TNKS: variants seen among roughly 807,000 people sequenced by gnomAD.
TNKS encodes tankyrase.
Under a neutral mutation model 135.8 loss-of-function variants are expected in TNKS, and 72 were observed. That is an observed-to-expected ratio of 0.53 (90% confidence interval 0.44 to 0.64). TNKS has a LOEUF of 0.64. TNKS is among the 30% of genes least tolerant of loss of function. The probability of loss-of-function intolerance (pLI) is 0.00; values close to 1 mark genes in which losing one functional copy is unlikely to be tolerated. For synonymous variants in TNKS, 849 were observed against 649.3 expected (o/e 1.31, Z -4.68); for missense variants, 1,769 against 1,674.0 (o/e 1.06, Z -0.99).
chr8:9,597,140 A>G (rs960329162), intron 2 of TNKS, among the ~76,000 whole-genome samples: 2 of 152,238 alleles, frequency 1.3e-5, no homozygotes, highest in Non-Finnish European at 2.9e-5. Context: ...TATGAATTGC[A>G]ATGTATCACA....
chr8:9,679,255 A>T (rs1802671312), intron 3 of TNKS, among the ~76,000 whole-genome samples: 1 of 152,168 alleles, frequency 6.6e-6, no homozygotes, highest in Admixed American at 6.5e-5. Context: ...TTGGTATTGA[A>T]TTTATATGAA....
chr8:9,611,585 A>G (rs1799465335), intron 2 of TNKS, among the ~76,000 whole-genome samples: 1 of 152,192 alleles, frequency 6.6e-6, no homozygotes, highest in Non-Finnish European at 1.5e-5. Flanking sequence ...CAGAATGTTG[A>G]AAACAAATTT....
Position 9,706,180 on chromosome 8 carries a change from C to T in TNKS, c.1203-7C>T. 1 of 1,559,018 alleles carries T rather than the reference C, an allele frequency of 6.4e-7. No homozygotes were observed. Reference sequence around the variant, plus strand: ...TTAAGTATTTTAATTTGCCTCTTTTCATTTAGTGGACTTGTGCCTCTTCAT... The same window carrying T: ...TTAAGTATTTTAATTTGCCTCTTTTTATTTAGTGGACTTGTGCCTCTTCAT... On this transcript the variant is annotated splice_polypyrimidine_tract_variant and splice_region_variant and intron_variant, in intron 6 of 26. Coordinates refer to ENST00000310430, the MANE Select transcript of TNKS (RefSeq NM_003747.3).
chr8:9,633,807 C>G (rs1585256752), intron 3 of TNKS, among the ~76,000 whole-genome samples: 1 of 152,074 alleles, frequency 6.6e-6, no homozygotes, highest in African/African-American at 2.4e-5. Context: ...TGAGGCTTGT[C>G]AATAACCACA....
intron 12 of TNKS, among the ~76,000 whole-genome samples, chr8:9,722,814 G>T (rs1445749404): frequency 6.6e-6 from 1 of 152,084 alleles, no homozygotes; most frequent in Non-Finnish European, 1.5e-5. Context: ...CTCAAATTAT[G>T]TGCATAGCTT....
At chr8:9,574,895 C>T (rs1016106832) in intron 1 of TNKS, 44 of 301,842 alleles carry the variant, frequency 1.5e-4, no homozygotes, top group Non-Finnish European at 2.1e-4. Context: ...ACTCACTCTC[C>T]CTTCTTGTCT....
At position 9,627,356 on chromosome 8, in the gene TNKS, A is replaced by G. The variant is rs73524874; in HGVS notation, c.994+11679A>G. ...ATAAATTAAACCCAAAGAGGAGGTC[A>G]TGGGAACCCCAATTTATAGCTGGTC... On this transcript the variant is annotated intron_variant, in intron 3 of 26. Transcript: ENST00000310430. Among the ~76,000 whole-genome samples, 921 of 152,352 alleles carry G rather than the reference A, an allele frequency of 6.0e-3. 11 individuals are homozygous for G. The highest frequency in any genetic ancestry group is 0.021 in the African/African-American group (855 of 41,584).
At chr8:9,696,405 A>G (rs12056794) in intron 5 of TNKS, among the ~76,000 whole-genome samples, 13,495 of 152,192 alleles carry the variant, frequency 0.089, 651 homozygotes, top group South Asian at 0.18. Context: ...GGACTGATAA[A>G]TGACCACTAA....
Position 9,684,404 on chromosome 8 carries a change from A to T in TNKS, c.1107+3604A>T, listed in dbSNP as rs75140230. 2.3e-3 allele frequency among the ~76,000 whole-genome samples: 348 copies of T among 152,118 alleles called. 8 individuals are homozygous for T. In the East Asian group the frequency reaches 0.057, roughly 25 times the overall value. ...TATAATAAATGAAAATAAATATTTG[A>T]ATAAAATTAGTCCAACAGTCAACTC... On this transcript the variant is annotated intron_variant, in intron 5 of 26. Coordinates refer to ENST00000310430, the MANE Select transcript of TNKS (RefSeq NM_003747.3).
chr8:9,655,047 C>G (rs1463540894), intron 3 of TNKS, among the ~76,000 whole-genome samples: 1 of 152,188 alleles, frequency 6.6e-6, no homozygotes, highest in Non-Finnish European at 1.5e-5. Flanking sequence ...CACTCCCACC[C>G]TAAAACTGCA....
At chr8:9,559,737 G>T (rs73533809) in intron 1 of TNKS, among the ~76,000 whole-genome samples, 1,867 of 151,994 alleles carry the variant, frequency 0.012, 38 homozygotes, top group African/African-American at 0.042. Flanking sequence ...TCTCAGATGT[G>T]GTATGAAACC....
chr8:9,692,399 G>A (rs969144950), intron 5 of TNKS, among the ~76,000 whole-genome samples: 1 of 152,148 alleles, frequency 6.6e-6, no homozygotes, highest in Admixed American at 6.5e-5. Flanking sequence ...AACTTTGTGA[G>A]GAAGTCAGCA....
chr8:9,740,232 C>T (rs1207275674), intron 17 of TNKS, among the ~76,000 whole-genome samples: 1 of 152,134 alleles, frequency 6.6e-6, no homozygotes, highest in Non-Finnish European at 1.5e-5. Context: ...AGGATGAATG[C>T]TCATGTGCTT....
At chr8:9,720,617 T>G in intron 12 of TNKS, 72 bp downstream of exon 12, 1 of 1,452,898 alleles carries the variant, frequency 6.9e-7, no homozygotes, top group Non-Finnish European at 9.2e-7. Flanking sequence ...CAGACAAACT[T>G]TGCAGTGTTT....
intron 3 of TNKS, among the ~76,000 whole-genome samples, chr8:9,648,513 C>T (rs1485730985): frequency 6.6e-6 from 1 of 152,176 alleles, no homozygotes; most frequent in African/African-American, 2.4e-5. Flanking sequence ...TGCCGTCCCA[C>T]TGAAAGGTCT....
At chr8:9,560,432 A>G (rs1309178390) in intron 1 of TNKS, among the ~76,000 whole-genome samples, 1 of 149,776 alleles carries the variant, frequency 6.7e-6, no homozygotes, top group East Asian at 1.9e-4. Flanking sequence ...ATTTAACAGT[A>G]CAGAGATTTT....
intron 2 of TNKS, among the ~76,000 whole-genome samples, chr8:9,598,801 A>G (rs1186594235): frequency 4.6e-5 from 5 of 109,172 alleles, no homozygotes; most frequent in Admixed American, 9.3e-5. Context: ...ATATATATAT[A>G]TATATATATA....
chr8:9,751,881 C>G (rs774485055), intron 19 of TNKS, 35 bp downstream of exon 19: 1 of 1,591,736 alleles, frequency 6.3e-7, no homozygotes, highest in Non-Finnish European at 8.6e-7. Flanking sequence ...TTTATTTATA[C>G]CTTTTGTTAG....
intron 13 of TNKS, among the ~76,000 whole-genome samples, chr8:9,728,672 T>C (rs1805273522): frequency 6.6e-6 from 1 of 152,238 alleles, no homozygotes; most frequent in East Asian, 1.9e-4. Flanking sequence ...ATTCATTTTT[T>C]ATTTAATTTG....
Sources: gnomAD v4.1 joint callset for allele counts (sites outside exome capture counted in the v4.1 genomes callset) on GRCh38, gnomAD v4.1.1 for gene constraint, MANE v1.5 for transcripts, NCBI Gene and HGNC (gene_info 2026-07-23, HGNC 2026-07-21) for gene names.